The following RAB8A variants were observed in gnomAD, a reference collection of about 807,000 sequenced individuals.
The protein encoded by RAB8A is ras-related protein Rab-8A.
A neutral mutation model predicts 29.2 loss-of-function variants in RAB8A; 5 were observed. That is an observed-to-expected ratio of 0.17 (90% CI 0.09 to 0.36). RAB8A has a LOEUF of 0.36. Among genes scored for constraint, RAB8A ranks in the 10% least tolerant of loss-of-function variants. The pLI is 1.00. For missense variants in RAB8A, 171 were observed against 272.2 expected, an observed-to-expected ratio of 0.63 and a Z score of 2.62; for synonymous variants, 108 against 99.9, an observed-to-expected ratio of 1.08 and a Z score of -0.49.
At chr19:16,129,455 C>T (rs1442060680) in intron 6 of RAB8A, 99 bp from the exon 7 acceptor site, 2 of 1,202,944 alleles carry the variant, frequency 1.7e-6, no homozygotes, top group Non-Finnish European at 2.5e-6. Context: ...AATGGGAGGC[C>T]CACGCCTGGG....
At position 16,125,196 on chromosome 19, in the gene RAB8A, C is replaced by G; in HGVS notation, c.247-274C>G. The G allele has an allele frequency of 3.8e-6, 2 of 531,136 alleles. No homozygotes were observed. Among genetic ancestry groups the G allele is most frequent in the Non-Finnish European group, 6.8e-6 (2 of 292,432 alleles). 32.9% of individuals were successfully genotyped at this position (531,136 alleles called of 1,614,324 possible). ...AGCCAGCCGGGCTTGTCAGCGAGTG[C>G]GTGGCAGGGGCTGGCCTGTGAGGCA... is the stretch of plus-strand genomic sequence containing the variant. On this transcript the variant is annotated intron_variant, in intron 3 of 7. Transcript: ENST00000300935. The surrounding 1 kb of genome is among the most constrained non-coding windows in gnomAD (Gnocchi z 5.0).
In RAB8A at chr19:16,125,014, T is replaced by TAAAAAAG; in HGVS notation, c.247-456_247-455insAAAAAAG. 8.9e-6 allele frequency: 2 copies of TAAAAAAG among 225,598 alleles called. No homozygotes were observed. The highest frequency in any genetic ancestry group is 1.8e-5 in the Non-Finnish European group (2 of 108,918). 14.0% of individuals were successfully genotyped at this position (225,598 alleles called of 1,614,324 possible). On this transcript the variant is annotated intron_variant, in intron 3 of 7. Transcript: ENST00000300935. The surrounding 1 kb of genome is among the most constrained non-coding windows in gnomAD (Gnocchi z 5.0). Reference sequence around the variant, plus strand: ...CGGGTCAGGACTTCCTGGGCTCAGTTGTGCCTGGTAGGTGGCTCAGGCAGA... The same window carrying TAAAAAAG: ...CGGGTCAGGACTTCCTGGGCTCAGTTAAAAAAGGTGCCTGGTAGGTGGCTCAGGCAGA...
At position 16,132,365 on chromosome 19, in the gene RAB8A, C is replaced by A; in HGVS notation, c.*61C>A. On this transcript the variant is annotated 3_prime_UTR_variant, in exon 8 of 8. Coordinates refer to ENST00000300935, the MANE Select transcript of RAB8A (RefSeq NM_005370.5). The surrounding 1 kb of genome is among the most constrained non-coding windows in gnomAD (Gnocchi z 5.6). ...GCTGACTGTGCCTGTTCTGAGTGAGCCCCTCACTCAGCCGGGGCCCTCCCA... is the reference window on the plus strand; with the variant it reads ...GCTGACTGTGCCTGTTCTGAGTGAGACCCTCACTCAGCCGGGGCCCTCCCA... 1 of 1,525,178 alleles carries A rather than the reference C, an allele frequency of 6.6e-7. No homozygotes were observed. Among genetic ancestry groups the A allele is most frequent in the Non-Finnish European group, 9.0e-7 (1 of 1,111,760 alleles). The allele number at this position is 1,525,178 out of a possible 1,614,324, so 94.5% of individuals were successfully genotyped here.
intron 6 of RAB8A, among the ~76,000 whole-genome samples, chr19:16,128,679 C>T (rs1470367340): frequency 6.6e-6 from 1 of 152,204 alleles, no homozygotes; most frequent in Non-Finnish European, 1.5e-5. Context: ...CCCTCACCGG[C>T]TACAGCTGGT....
At chr19:16,128,125 C>T (rs1350677571) in intron 6 of RAB8A, 34 bp downstream of exon 6, 3 of 1,607,930 alleles carry the variant, frequency 1.9e-6, no homozygotes, top group East Asian at 4.5e-5. Context: ...GACATGGGGC[C>T]TGCAGGATCG....
intron 1 of RAB8A, among the ~76,000 whole-genome samples, chr19:16,113,023 A>G (rs1487711392): frequency 6.6e-6 from 1 of 152,222 alleles, no homozygotes; most frequent in African/African-American, 2.4e-5. Flanking sequence ...TCCAGCTGTC[A>G]CTTTAGAACA....
chr19:16,129,121 CAG>C (rs1232400576), intron 6 of RAB8A, among the ~76,000 whole-genome samples: 1 of 151,912 alleles, frequency 6.6e-6, no homozygotes, highest in African/African-American at 2.4e-5. Flanking sequence ...CCAGAGCTGA[CAG>C]AACCTAGGAG....
chr19:16,125,384 C>T lies in RAB8A; in HGVS notation c.247-86C>T. ...CTGGCTGTGCAGTGGGTGCTGGGCT[C>T]CCCACCACTGTTCTCTGGTGCCGCT... On this transcript the variant is annotated intron_variant, in intron 3 of 7. Coordinates refer to ENST00000300935, the MANE Select transcript of RAB8A (RefSeq NM_005370.5). This position sits in a 1 kb window ranked among gnomAD's most constrained non-coding sequence, Gnocchi z 5.0. 8.3e-7 allele frequency: 1 copy of T among 1,200,458 alleles called. No individual in the cohort carries two copies. Among genetic ancestry groups the T allele is most frequent in the Non-Finnish European group, 1.2e-6 (1 of 827,170 alleles). The allele number at this position is 1,200,458 out of a possible 1,614,324, so 74.4% of individuals were successfully genotyped here.
intron 2 of RAB8A, among the ~76,000 whole-genome samples, chr19:16,119,889 C>T (rs1354892609): frequency 6.6e-6 from 1 of 152,042 alleles, no homozygotes; most frequent in Non-Finnish European, 1.5e-5. Context: ...TTTTGGCTCA[C>T]TGCAACCTCC....
At chr19:16,118,201 G>A (rs763733416) in intron 1 of RAB8A, 25 bp from the exon 2 acceptor site, 10 of 1,598,946 alleles carry the variant, frequency 6.3e-6, no homozygotes, top group Admixed American at 1.7e-5. Flanking sequence ...TGACAGTGAC[G>A]TGCCTTTTTT....
At chr19:16,131,583 A>G (rs1244909857) in intron 7 of RAB8A, among the ~76,000 whole-genome samples, 1 of 146,824 alleles carries the variant, frequency 6.8e-6, no homozygotes, top group Admixed American at 6.8e-5. Flanking sequence ...GGGGAAGGAG[A>G]TGGATGGGTG....
chr19:16,119,393 C>T (rs897088334), intron 2 of RAB8A, among the ~76,000 whole-genome samples: 6 of 151,980 alleles, frequency 3.9e-5, no homozygotes, highest in Admixed American at 2.6e-4. Context: ...TTAGTAGAGA[C>T]GGGGTTTCTC....
Position 16,128,844 on chromosome 19 carries a change from G to A in RAB8A, c.481-710G>A, listed in dbSNP as rs2090913095. On this transcript the variant is annotated intron_variant, in intron 6 of 7. Coordinates refer to ENST00000300935, the MANE Select transcript of RAB8A (RefSeq NM_005370.5). ...CCTGGCCCTGGGGGCCTCTCCCCAAGAACACCTTCAGTCTCCCCTGGGCCT... is the reference window on the plus strand; with the variant it reads ...CCTGGCCCTGGGGGCCTCTCCCCAAAAACACCTTCAGTCTCCCCTGGGCCT... 2.0e-5 allele frequency among the ~76,000 whole-genome samples: 3 copies of A among 152,142 alleles called. 1 individual carries two copies. In the South Asian group the frequency reaches 6.2e-4, roughly 31 times the overall value.
intron 4 of RAB8A, chr19:16,126,785 G>A (rs997203630): frequency 5.3e-5 from 8 of 152,220 alleles, no homozygotes; most frequent in Non-Finnish European, 7.3e-5. Flanking sequence ...ATCACCTGAG[G>A]TCAGAAGTTT....
At chr19:16,129,509 C>T in intron 6 of RAB8A, 45 bp from the exon 7 acceptor site, 5 of 1,599,796 alleles carry the variant, frequency 3.1e-6, no homozygotes, top group Non-Finnish European at 3.4e-6. Context: ...GCTGAGGACT[C>T]AGGGTCCTGC....
At chr19:16,119,273 T>G (rs2090862007) in intron 2 of RAB8A, among the ~76,000 whole-genome samples, 1 of 152,148 alleles carries the variant, frequency 6.6e-6, no homozygotes, top group Non-Finnish European at 1.5e-5. Flanking sequence ...TGGCGCGATC[T>G]TGTCTCACCG....
chr19:16,117,930 T>C (rs1232225053), intron 1 of RAB8A, among the ~76,000 whole-genome samples: 1 of 151,974 alleles, frequency 6.6e-6, no homozygotes, highest in Non-Finnish European at 1.5e-5. Flanking sequence ...TGAGACCCAC[T>C]CCGTACAACT....
intron 4 of RAB8A, chr19:16,126,380 C>T (rs1358539179): frequency 6.5e-6 from 1 of 152,688 alleles, no homozygotes. Context: ...GGAGGAGAGC[C>T]TGGTCTTTGT....
chr19:16,116,290 C>A (rs561291865), intron 1 of RAB8A, among the ~76,000 whole-genome samples: 2 of 152,216 alleles, frequency 1.3e-5, no homozygotes, highest in East Asian at 3.9e-4. Context: ...AGCCAGAGTG[C>A]TGAGAGGTGA....
Sources: allele counts gnomAD v4.1 joint callset (sites outside exome capture counted in the v4.1 genomes callset), GRCh38; gene constraint gnomAD v4.1.1; non-coding constraint Gnocchi (gnomAD v3.1); transcripts MANE v1.5; gene names NCBI Gene and HGNC (gene_info 2026-07-23, HGNC 2026-07-21).